HAP1: variants seen among roughly 807,000 people sequenced by gnomAD.
HAP1 encodes the protein huntingtin-associated protein 1.
Under a neutral mutation model 60.3 loss-of-function variants are expected in HAP1, and 59 were observed. The observed-to-expected ratio is 0.98, with a 90% CI of 0.79 to 1.22. HAP1 has a LOEUF of 1.22. HAP1 is among the 50% of genes most tolerant of loss of function. The pLI is 0.00. For synonymous variants in HAP1, 346 were observed against 330.6 expected (o/e 1.05, Z -0.50); for missense variants, 825 against 785.3 (o/e 1.05, Z -0.60).
downstream of HAP1, chr17:41,718,294 G>A (rs890194594): frequency 9.8e-6 from 2 of 203,612 alleles, no homozygotes; most frequent in Admixed American, 4.7e-5. Flanking sequence ...TTGTAGGCAA[G>A]ATAAAGGACA....
chr17:41,731,822 G>A, intron 4 of HAP1, 79 bp from the exon 5 acceptor site: 1 of 1,077,282 alleles, frequency 9.3e-7, no homozygotes, highest in Non-Finnish European at 1.4e-6. Context: ...TAAGGGCAGT[G>A]TTCTCAATTA....
intron 2 of HAP1, 59 bp from the exon 3 acceptor site, chr17:41,732,453 C>T (rs1912298380): frequency 6.4e-7 from 1 of 1,559,376 alleles, no homozygotes; most frequent in African/African-American, 1.4e-5. Flanking sequence ...TTCCCCATCC[C>T]CTAGTTCTCT....
chr17:41,719,904 T>TTG (rs1376735691), downstream of HAP1, among the ~76,000 whole-genome samples: 1 of 150,718 alleles, frequency 6.6e-6, no homozygotes, highest in Non-Finnish European at 1.5e-5. Flanking sequence ...TTTTTTTTTT[T>TTG]TTTGAGACAG....
chr17:41,732,179 C>A, intron 3 of HAP1, 51 bp downstream of exon 3: 2 of 1,610,246 alleles, frequency 1.2e-6, no homozygotes, highest in Non-Finnish European at 1.7e-6. Context: ...AGGGTCCTGG[C>A]ATGAGGCAGG....
chr17:41,724,809 A>C lies in HAP1; in HGVS notation c.1752T>G (p.Asp584Glu), dbSNP rs1555588243. Residue 584 changes from aspartate (D) to glutamate (E), a missense_variant, in exon 11 of 11, where the codon GAT becomes GAG. Transcript: ENST00000347901. ...YVLQQLANWQ[D>E]AHYRRQLRWK... ...ACCTCAGCTGCCGCCTGTAATGGGC[A>C]TCTTGCCAGTTGGCCAGCTGCTGGA... 6 of 1,613,068 alleles carry C rather than the reference A, an allele frequency of 3.7e-6. No homozygotes were observed. In the South Asian group the frequency reaches 6.6e-5, roughly 18 times the overall value.
chr17:41,732,245 G>T lies in HAP1; in HGVS notation c.699C>A (p.Gly233=). The T allele has an allele frequency of 2.5e-6, 4 of 1,614,100 alleles. No homozygotes were observed. Among genetic ancestry groups the T allele is most frequent in the Non-Finnish European group, 3.4e-6 (4 of 1,180,016 alleles). Residue 233 remains glycine, a synonymous_variant, in exon 3 of 11, where the codon GGC becomes GGA. Coordinates refer to ENST00000347901, the MANE Select transcript of HAP1 (RefSeq NM_177977.3). ...ACCCGGTTACCTCCTCCTTGGCTGA[G>T]CCCAGCAGGGCTTCCAGCTTGCTGT... The part of the protein sequence containing the change: ...EENSKLEALL[G]SAKEEILYLR...
chr17:41,727,746 C>T lies in HAP1; in HGVS notation c.1275+16G>A, dbSNP rs200778546. On this transcript the variant is annotated intron_variant, in intron 8 of 10. Transcript: ENST00000347901. Reference sequence around the variant, plus strand: ...GGCTCTCCAGGGTGGGGGCAGAAGCCGGCAGCGAGACTCACCTCTTCCTGG... The same window carrying T: ...GGCTCTCCAGGGTGGGGGCAGAAGCTGGCAGCGAGACTCACCTCTTCCTGG... 8.8e-6 allele frequency: 14 copies of T among 1,584,052 alleles called. No individual in the cohort carries two copies. Among genetic ancestry groups the T allele is most frequent in the Non-Finnish European group, 9.5e-6 (11 of 1,155,108 alleles).
In HAP1 at chr17:41,732,118, T is replaced by G; in HGVS notation, c.715A>C (p.Ile239Leu). 1 of 1,613,710 alleles carries G rather than the reference T, an allele frequency of 6.2e-7. No individual in the cohort carries two copies. The highest frequency in any genetic ancestry group is 8.5e-7 in the Non-Finnish European group (1 of 1,179,750). Residue 239 changes from isoleucine (I) to leucine (L), a missense_variant and splice_region_variant, in exon 4 of 11, where the codon ATT (isoleucine) becomes CTT (leucine). Ile to Leu is a conservative substitution (Grantham distance 5, BLOSUM62 2). Coordinates refer to ENST00000347901, the MANE Select transcript of HAP1 (RefSeq NM_177977.3). Reference protein sequence around the residue: ...EALLGSAKEEILYLRHQVNLR... With the variant: ...EALLGSAKEELLYLRHQVNLR... The stretch of plus-strand genomic sequence containing the variant: ...TTCACCTGGTGTCTGAGGTATAAAA[T>G]CTGGCAGGAAGAGAGAGGAGCCATG...
chr17:41,718,378 T>C (rs1258831776), downstream of HAP1: 3 of 169,968 alleles, frequency 1.8e-5, no homozygotes, highest in Non-Finnish European at 3.9e-5. Flanking sequence ...CTGAGCCCTG[T>C]CCCCTCTCAG....
intron 2 of HAP1, 144 bp downstream of exon 2, chr17:41,732,575 C>A: frequency 1.0e-6 from 1 of 956,528 alleles, no homozygotes; most frequent in Non-Finnish European, 1.7e-6. Flanking sequence ...CCAGCCTGAA[C>A]ATCCCACATC....
chr17:41,725,723 A>T, intron 10 of HAP1, 136 bp downstream of exon 10: 1 of 740,412 alleles, frequency 1.4e-6, no homozygotes, highest in Non-Finnish European at 2.4e-6. Flanking sequence ...GCTCCTTCCC[A>T]GAACAGTTCT....
chr17:41,729,402 T>C (rs1217399928), intron 6 of HAP1, among the ~76,000 whole-genome samples: 3 of 146,284 alleles, frequency 2.1e-5, no homozygotes, highest in Non-Finnish European at 4.5e-5. Flanking sequence ...ATACCAAAAT[T>C]AGCTGTGCAT....
chr17:41,720,627 C>T (rs538375925), downstream of HAP1, among the ~76,000 whole-genome samples: 5 of 152,138 alleles, frequency 3.3e-5, no homozygotes, highest in South Asian at 8.3e-4. Flanking sequence ...TCAAAATAGT[C>T]CTTATGCCAA....
intron 9 of HAP1, 46 bp downstream of exon 9, chr17:41,727,007 G>A (rs1555588987): frequency 3.0e-6 from 3 of 987,670 alleles, no homozygotes; most frequent in Non-Finnish European, 4.7e-6. Context: ...CCCCACTACA[G>A]GAAAGGCCAT....
intron 6 of HAP1, 30 bp from the exon 7 acceptor site, chr17:41,728,361 G>C (rs370245004): frequency 6.2e-7 from 1 of 1,608,732 alleles, no homozygotes; most frequent in Non-Finnish European, 8.5e-7. Context: ...GGTCAGCCCT[G>C]GCTCCCCTGG....
rs1162563636 is a variant in HAP1, at chr17:41,729,549, C to CAAAAAAAAAAAAAAAAAA, written c.1070-1236_1070-1219dup. Among the ~76,000 whole-genome samples the CAAAAAAAAAAAAAAAAAA allele has an allele frequency of 1.7e-4, 11 of 63,096 alleles. 3 individuals carry two copies. The highest frequency in any genetic ancestry group is 2.0e-4 in the Admixed American group (1 of 5,050). 41.4% of individuals were successfully genotyped at this position (63,096 alleles called of 152,430 possible). ...TGGGTTACAGAGGGAGCCTCCTTCT[C>CAAAAAAAAAAAAAAAAAA]AAAAAAAAAAAAAAAAAAAAAAAAA... On this transcript the variant is annotated intron_variant, in intron 6 of 10. Transcript: ENST00000347901.
rs1567788006 is a variant in HAP1 at position 41,734,617 on chromosome 17, CA to C, written c.17del (p.Leu6TrpfsTer45). On this transcript the variant is annotated frameshift_variant, in exon 1 of 11. Transcript: ENST00000347901. LOFTEE classifies it high-confidence loss of function. ...GCCGGCTCCCCGCGCAGCACCGGCC[CA>C]ACCTCTTCGGGCGCATCTCGAGTCT... MRPKR[L>X]GRCCAGSRLG... The C allele has an allele frequency of 6.5e-7, 1 of 1,548,242 alleles. No individual in the cohort carries two copies. The highest frequency in any genetic ancestry group is 8.7e-7 in the Non-Finnish European group (1 of 1,148,810).
chr17:41,721,966 C>T (rs1168551793), downstream of HAP1: 1 of 152,084 alleles, frequency 6.6e-6, no homozygotes, highest in Non-Finnish European at 1.5e-5. Flanking sequence ...CAACCTCTGC[C>T]TCCTGGGTTC....
chr17:41,730,484 T>G (rs1452308915), intron 6 of HAP1: 1 of 152,228 alleles, frequency 6.6e-6, no homozygotes, highest in Non-Finnish European at 1.5e-5. Flanking sequence ...GTGCGACCAG[T>G]TAAGAGGTAT....
Sources: gnomAD v4.1 joint callset for allele counts (sites outside exome capture counted in the v4.1 genomes callset) on GRCh38, gnomAD v4.1.1 for gene constraint, MANE v1.5 for transcripts, NCBI Gene and HGNC (gene_info 2026-07-23, HGNC 2026-07-21) for gene names.